TSPAN3: variants seen among roughly 807,000 people sequenced by gnomAD.
The protein encoded by TSPAN3 is tetraspanin 3.
A neutral mutation model predicts 31.1 loss-of-function variants in TSPAN3; 9 were observed. The observed-to-expected ratio is 0.29, with a 90% CI of 0.17 to 0.50. TSPAN3 has a LOEUF of 0.50. TSPAN3 is among the 20% of genes least tolerant of loss of function. The probability of loss-of-function intolerance (pLI) is 0.98; values close to 1 mark genes in which losing one functional copy is unlikely to be tolerated. For missense variants in TSPAN3, 252 were observed against 313.5 expected, an observed-to-expected ratio of 0.80 and a Z score of 1.48; for synonymous variants, 129 against 114.3, an observed-to-expected ratio of 1.13 and a Z score of -0.82.
chr15:77,050,941 T>C (rs905290852), intron 6 of TSPAN3, among the ~76,000 whole-genome samples: 5 of 152,180 alleles, frequency 3.3e-5, no homozygotes, highest in Admixed American at 3.3e-4. Flanking sequence ...AAAAGGCCTT[T>C]CCCATTAAAT....
Position 77,056,244 on chromosome 15 carries a change from G to C in TSPAN3, c.75C>G (p.Gly25=), listed in dbSNP as rs1277179798. ...CATAGGCTCCCACATAGCATAAAAT[G>C]CCAGCTGCCCCCTGTAGAAAACAAA... The part of the protein sequence containing the change: ...FLNLIFWGAA[G]ILCYVGAYVF... The change falls in exon 2 of 7, where the codon GGC becomes GGG. Residue 25 remains glycine (G), a synonymous_variant. Transcript: ENST00000267970. 2.5e-6 allele frequency: 4 copies of C among 1,600,066 alleles called. No homozygotes were observed. In the African/African-American group the frequency reaches 5.4e-5, roughly 22 times the overall value.
chr15:77,067,041 C>T (rs1338539590), intron 1 of TSPAN3, among the ~76,000 whole-genome samples: 1 of 151,858 alleles, frequency 6.6e-6, no homozygotes, highest in African/African-American at 2.4e-5. Flanking sequence ...CCCATGAAAA[C>T]CCATTAATCC....
rs565387752 is a variant in TSPAN3 at position 77,043,103 on chromosome 15, G to C, written c.*3732C>G. The C allele has an allele frequency of 3.9e-5, 6 of 152,534 alleles. No homozygotes were observed. The highest frequency in any genetic ancestry group is 3.9e-4 in the Admixed American group (6 of 15,282). The allele number at this position is 152,534 out of a possible 1,614,324, so 9.4% of individuals were successfully genotyped here. On this transcript the variant is annotated 3_prime_UTR_variant, in exon 7 of 7. Coordinates refer to ENST00000267970, the MANE Select transcript of TSPAN3 (RefSeq NM_005724.6). ...GGGTCCCAGCAGCATTCCCCACCGTGACAGCTCTCTGCTCCTGTGGCTTGG... is the reference window on the plus strand; with the variant it reads ...GGGTCCCAGCAGCATTCCCCACCGTCACAGCTCTCTGCTCCTGTGGCTTGG...
intron 1 of TSPAN3, among the ~76,000 whole-genome samples, chr15:77,065,670 G>C (rs961865970): frequency 6.6e-6 from 1 of 152,186 alleles, no homozygotes; most frequent in East Asian, 1.9e-4. Flanking sequence ...GCGTCCCAAA[G>C]TGCTGGGATT....
chr15:77,052,808 C>A lies in TSPAN3; in HGVS notation c.554G>T (p.Ser185Ile). 6.2e-7 allele frequency: 1 copy of A among 1,614,162 alleles called. No individual in the cohort carries two copies. ...CRETASNCNGSLAHPSDLYAE... is the reference protein window; with the variant it reads ...CRETASNCNGILAHPSDLYAE... ...ATAGAGGTCGGAAGGGTGGGCCAGG[C>A]TGCCATTACAATTGCTGGCAGTCTC... The change falls in exon 5 of 7, where the codon AGC (serine) becomes ATC (isoleucine). Residue 185 changes from serine to isoleucine, a missense_variant. Ser to Ile is a moderately radical substitution (Grantham distance 142, BLOSUM62 -2). Coordinates refer to ENST00000267970, the MANE Select transcript of TSPAN3 (RefSeq NM_005724.6).
chr15:77,060,014 T>A (rs1036521374), intron 1 of TSPAN3, among the ~76,000 whole-genome samples: 2 of 152,192 alleles, frequency 1.3e-5, no homozygotes, highest in Admixed American at 6.5e-5. Flanking sequence ...GACAACCAGA[T>A]GCACAACAAA....
rs1054933338 is a variant in TSPAN3, at chr15:77,041,435, G to A, written c.*5400C>T. 6.6e-6 allele frequency: 1 copy of A among 150,388 alleles called. No individual in the cohort carries two copies. The highest frequency in any genetic ancestry group is 1.5e-5 in the Non-Finnish European group (1 of 67,852). The allele number at this position is 150,388 out of a possible 1,614,324, so 9.3% of individuals were successfully genotyped here. ...GAGTCTTGCTCTGTCACCCAGGCTG[G>A]AGTGCAGTGGCATAATCTCGGCTCA... On this transcript the variant is annotated 3_prime_UTR_variant, in exon 7 of 7. Transcript: ENST00000267970.
chr15:77,070,593 G>A (rs1309001663), intron 1 of TSPAN3, among the ~76,000 whole-genome samples: 2 of 151,986 alleles, frequency 1.3e-5, no homozygotes, highest in South Asian at 2.1e-4. Flanking sequence ...GGGGGGGGGA[G>A]ACTGGGGCGC....
chr15:77,051,492 C>T (rs539176707), intron 6 of TSPAN3, among the ~76,000 whole-genome samples: 5 of 150,800 alleles, frequency 3.3e-5, no homozygotes, highest in African/African-American at 1.2e-4. Context: ...CACACCATTG[C>T]ACTCTAGCCT....
At chr15:77,062,859 T>C (rs557834865) in intron 1 of TSPAN3, among the ~76,000 whole-genome samples, 8 of 152,348 alleles carry the variant, frequency 5.3e-5, no homozygotes, top group Non-Finnish European at 7.3e-5. Flanking sequence ...TAAAGCATCA[T>C]TTAATAATAT....
rs192029586 is a variant in TSPAN3, at chr15:77,061,537, A to T, written c.64-5282T>A. 2.0e-4 allele frequency among the ~76,000 whole-genome samples: 29 copies of T among 146,548 alleles called. No homozygotes were observed. In the East Asian group the frequency reaches 2.9e-3, roughly 15 times the overall value. On this transcript the variant is annotated intron_variant, in intron 1 of 6. Coordinates refer to ENST00000267970, the MANE Select transcript of TSPAN3 (RefSeq NM_005724.6). ...GAGCAAAACTCAGTCTCAAAAAATT[A>T]AAAAAAAAAAAGTTAAAATCTGTAA...
At chr15:77,056,646 A>C (rs1415027248) in intron 1 of TSPAN3, among the ~76,000 whole-genome samples, 1 of 152,108 alleles carries the variant, frequency 6.6e-6, no homozygotes, top group Non-Finnish European at 1.5e-5. Context: ...GGTAGAAATG[A>C]CAGAGCTTGG....
chr15:77,045,227 C>T lies in TSPAN3; in HGVS notation c.*1608G>A, dbSNP rs913154536. The T allele has an allele frequency of 2.6e-5, 4 of 152,332 alleles. No individual in the cohort carries two copies. The highest frequency in any genetic ancestry group is 2.1e-4 in the South Asian group (1 of 4,828). The allele number at this position is 152,332 out of a possible 1,614,324, so 9.4% of individuals were successfully genotyped here. ...ATCCTAGATGAGTCTTCTCTTCTCC[C>T]TTCTCTGTCCCACGTCCAATCAATG... On this transcript the variant is annotated 3_prime_UTR_variant, in exon 7 of 7. Transcript: ENST00000267970.
chr15:77,056,214 G>A lies in TSPAN3; in HGVS notation c.105C>T (p.Phe35=). The change falls in exon 2 of 7, where the codon TTC becomes TTT. Residue 35 remains phenylalanine, a synonymous_variant. Transcript: ENST00000267970. Reference sequence around the variant, plus strand: ...AGTGGTCATAGTCATCATAAGTGATGAAGACATAGGCTCCCACATAGCATA... The same window carrying A: ...AGTGGTCATAGTCATCATAAGTGATAAAGACATAGGCTCCCACATAGCATA... The part of the protein sequence containing the change: ...GILCYVGAYV[F]ITYDDYDHFF... The A allele has an allele frequency of 1.2e-6, 2 of 1,612,878 alleles. No individual in the cohort carries two copies. Among genetic ancestry groups the A allele is most frequent in the Non-Finnish European group, 1.7e-6 (2 of 1,179,628 alleles).
intron 1 of TSPAN3, among the ~76,000 whole-genome samples, chr15:77,060,641 A>G (rs1016940687): frequency 1.3e-5 from 2 of 152,078 alleles, no homozygotes; most frequent in Non-Finnish European, 2.9e-5. Flanking sequence ...TTGAAGGGCC[A>G]TGATGGGATT....
intron 4 of TSPAN3, among the ~76,000 whole-genome samples, chr15:77,053,670 A>AG (rs2076748158): frequency 6.6e-6 from 1 of 152,104 alleles, no homozygotes; most frequent in Admixed American, 6.5e-5. Flanking sequence ...AAAAGTAAGT[A>AG]GGGGCAATAA....
chr15:77,058,147 T>C (rs1276300445), intron 1 of TSPAN3, among the ~76,000 whole-genome samples: 1 of 152,194 alleles, frequency 6.6e-6, no homozygotes, highest in Non-Finnish European at 1.5e-5. Context: ...CCCTAAATCT[T>C]ACTTATTGAC....
intron 6 of TSPAN3, among the ~76,000 whole-genome samples, chr15:77,052,148 A>G (rs772352057): frequency 1.3e-5 from 2 of 152,246 alleles, no homozygotes; most frequent in Non-Finnish European, 2.9e-5. Flanking sequence ...CAGTAAGACG[A>G]GGAGTTCCCT....
intron 4 of TSPAN3, among the ~76,000 whole-genome samples, chr15:77,053,836 T>C (rs564808880): frequency 1.3e-3 from 197 of 152,254 alleles, no homozygotes; most frequent in African/African-American, 2.7e-3. Context: ...AAGGTATATA[T>C]AGACCTCCCA....
Sources: allele counts gnomAD v4.1 joint callset (sites outside exome capture counted in the v4.1 genomes callset), GRCh38; gene constraint gnomAD v4.1.1; transcripts MANE v1.5; gene names NCBI Gene and HGNC (gene_info 2026-07-23, HGNC 2026-07-21).